Variants in PTPRQ observed in about 807,000 individuals in gnomAD.
PTPRQ encodes the protein phosphatidylinositol phosphatase PTPRQ.
Under a neutral mutation model 246.0 loss-of-function variants are expected in PTPRQ, and 199 were observed. That is an observed-to-expected ratio of 0.81 (90% confidence interval 0.72 to 0.91). The LOEUF is 0.91. Among genes scored for constraint, PTPRQ ranks in the 40% least tolerant of loss-of-function variants. PTPRQ has a pLI of 0.00. For missense variants in PTPRQ, 2,624 were observed against 2,528.4 expected (o/e 1.04, Z -0.81); for synonymous variants, 869 against 853.2 (o/e 1.02, Z -0.32).
chr12:80,483,290 G>A (rs1292631486), intron 8 of PTPRQ, among the ~76,000 whole-genome samples: 5 of 141,742 alleles, frequency 3.5e-5, no homozygotes, highest in South Asian at 2.3e-4. Flanking sequence ...AAAACCAAAC[G>A]CCGCATATTC....
chr12:80,544,245 A>G (rs959502784), intron 23 of PTPRQ, among the ~76,000 whole-genome samples: 2 of 152,182 alleles, frequency 1.3e-5, no homozygotes, highest in African/African-American at 4.8e-5. Flanking sequence ...ATTAAAAAGG[A>G]AAGTCTCCAT....
intron 6 of PTPRQ, 145 bp from the exon 7 acceptor site, chr12:80,468,565 A>G: frequency 1.3e-6 from 1 of 767,758 alleles, no homozygotes; most frequent in Non-Finnish European, 1.9e-6. Context: ...TATTCCATTT[A>G]TTCTTTTTTA....
chr12:80,527,777 G>A (rs866920572), intron 17 of PTPRQ, among the ~76,000 whole-genome samples: 7 of 151,836 alleles, frequency 4.6e-5, no homozygotes, highest in African/African-American at 1.7e-4. Context: ...CTTGATCCCA[G>A]GAGTCTGAGA....
chr12:80,498,383 G>C (rs560736148), intron 14 of PTPRQ, among the ~76,000 whole-genome samples: 1 of 152,052 alleles, frequency 6.6e-6, no homozygotes, highest in Non-Finnish European at 1.5e-5. Context: ...TGGAGGGTTT[G>C]AGAGGTTCAT....
intron 6 of PTPRQ, among the ~76,000 whole-genome samples, chr12:80,468,064 T>C (rs898653000): frequency 6.6e-5 from 10 of 152,164 alleles, no homozygotes; most frequent in African/African-American, 2.4e-4. Context: ...TGAAATTTGC[T>C]AGACAATAAT....
intron 37 of PTPRQ, among the ~76,000 whole-genome samples, chr12:80,649,949 A>G (rs567663197): frequency 6.6e-6 from 1 of 152,256 alleles, no homozygotes; most frequent in East Asian, 1.9e-4. Context: ...TTTCATCCAG[A>G]TGTAGGTGCA....
chr12:80,531,411 G>A (rs1895839559), intron 17 of PTPRQ, among the ~76,000 whole-genome samples: 1 of 152,120 alleles, frequency 6.6e-6, no homozygotes, highest in Non-Finnish European at 1.5e-5. Context: ...GAAAGCAAGA[G>A]TAACAACTTA....
chr12:80,657,893 T>G, intron 38 of PTPRQ, 92 bp from the exon 39 acceptor site: 1 of 916,672 alleles, frequency 1.1e-6, no homozygotes, highest in Non-Finnish European at 1.5e-6. Context: ...TGGAATGTTA[T>G]ATTATGAACT....
At chr12:80,515,425 C>CT (rs35189865) in intron 17 of PTPRQ, among the ~76,000 whole-genome samples, 45,974 of 144,040 alleles carry the variant, frequency 0.32, 9,335 homozygotes, top group African/African-American at 0.59. Context: ...TGAATATTTC[C>CT]TTTTTTTTTT....
chr12:80,521,548 A>G (rs1316761551), intron 17 of PTPRQ, among the ~76,000 whole-genome samples: 1 of 152,142 alleles, frequency 6.6e-6, no homozygotes, highest in Non-Finnish European at 1.5e-5. Context: ...TGTAAGTTGT[A>G]AGGAAGGGAT....
chr12:80,676,636 T>C (rs1054514829), intron 43 of PTPRQ, among the ~76,000 whole-genome samples: 5 of 152,068 alleles, frequency 3.3e-5, no homozygotes, highest in African/African-American at 1.2e-4. Context: ...AGCGAGACTC[T>C]GTTGCAAACA....
chr12:80,481,265 G>C (rs528314473), intron 8 of PTPRQ, among the ~76,000 whole-genome samples: 70 of 152,194 alleles, frequency 4.6e-4, no homozygotes, highest in African/African-American at 1.6e-3. Flanking sequence ...CAGAACCAAA[G>C]ACAAAAATCA....
At chr12:80,625,337 A>T (rs1242125668) in intron 33 of PTPRQ, among the ~76,000 whole-genome samples, 1 of 130,980 alleles carries the variant, frequency 7.6e-6, no homozygotes, top group Non-Finnish European at 1.6e-5. Flanking sequence ...GTAATCCCAG[A>T]CTACAGAGAG....
intron 35 of PTPRQ, among the ~76,000 whole-genome samples, chr12:80,640,397 T>C (rs561420270): frequency 6.6e-6 from 1 of 152,216 alleles, no homozygotes; most frequent in African/African-American, 2.4e-5. Flanking sequence ...TATATTTTAC[T>C]TCCGTTCTAA....
chr12:80,676,521 A>G (rs1444091702), intron 43 of PTPRQ, among the ~76,000 whole-genome samples: 2 of 152,154 alleles, frequency 1.3e-5, no homozygotes, highest in Non-Finnish European at 2.9e-5. Flanking sequence ...GCGTGCCTGT[A>G]ATCCCAGCTA....
chr12:80,484,392 T>TA (rs1329030671), intron 8 of PTPRQ, 41 bp from the exon 9 acceptor site: 7 of 1,396,334 alleles, frequency 5.0e-6, no homozygotes, highest in Non-Finnish European at 5.6e-6. Flanking sequence ...AAAATATTTT[T>TA]AATTTCCCCC....
intron 25 of PTPRQ, among the ~76,000 whole-genome samples, chr12:80,574,212 C>A (rs971741824): frequency 3.9e-5 from 6 of 152,164 alleles, no homozygotes; most frequent in African/African-American, 1.4e-4. Context: ...ATTAATATAA[C>A]ACATGTTCTT....
chr12:80,468,878 GAAT>G, intron 7 of PTPRQ, 40 bp downstream of exon 7: 1 of 1,526,918 alleles, frequency 6.5e-7, no homozygotes, highest in South Asian at 1.3e-5. Context: ...TTTGGAGTGA[GAAT>G]AATAAAATAT....
chr12:80,666,713 G>T (rs147385319), intron 39 of PTPRQ, among the ~76,000 whole-genome samples: 1 of 151,912 alleles, frequency 6.6e-6, no homozygotes, highest in African/African-American at 2.4e-5. Context: ...AATAAGAAAA[G>T]ATTATTAAAA....
Sources: gnomAD v4.1 joint callset for allele counts (sites outside exome capture counted in the v4.1 genomes callset) on GRCh38, gnomAD v4.1.1 for gene constraint, MANE v1.5 for transcripts, NCBI Gene and HGNC (gene_info 2026-07-23, HGNC 2026-07-21) for gene names.